MCRIP2: variants seen among roughly 807,000 people sequenced by gnomAD.
MCRIP2 encodes MAPK regulated co-repressor interacting protein 2.
A neutral mutation model predicts 23.2 loss-of-function variants in MCRIP2; 21 were observed. That is an observed-to-expected ratio of 0.90 (90% CI 0.64 to 1.30). MCRIP2 has a LOEUF of 1.30. Among genes scored for constraint, MCRIP2 ranks in the 50% most tolerant of loss-of-function variants. MCRIP2 has a pLI of 0.00. For missense variants in MCRIP2, 234 were observed against 223.2 expected (o/e 1.05, Z -0.31); for synonymous variants, 121 against 100.2 (o/e 1.21, Z -1.24).
In MCRIP2 at chr16:642,226, G is replaced by A. The variant is rs1479226128; in HGVS notation, c.159G>A (p.Pro53=). The A allele has an allele frequency of 1.6e-6, 2 of 1,243,842 alleles. No homozygotes were observed. The highest frequency in any genetic ancestry group is 4.3e-5 in the Admixed American group (1 of 23,510). The allele number at this position is 1,243,842 out of a possible 1,614,324, so 77.1% of individuals were successfully genotyped here. Residue 53 remains proline (P), a synonymous_variant, in exon 2 of 5, where the codon CCG becomes CCA. Transcript: ENST00000307650. ...QPPRAQPFAQ[P]PGPWPLSSPG... is the part of the protein sequence containing the mutation. ...CGCGGGCGCAGCCCTTTGCGCAGCC[G>A]CCGGGACCCTGGCCCCTGTCGAGGT... is the stretch of plus-strand genomic sequence containing the variant.
chr16:647,069 G>A, intron 2 of MCRIP2: 1 of 309,652 alleles, frequency 3.2e-6, no homozygotes, highest in Non-Finnish European at 6.1e-6. Context: ...GGCTGCTGAT[G>A]GGATGCAGGT....
At chr16:644,857 G>T in intron 2 of MCRIP2, among the ~76,000 whole-genome samples, 1 of 152,030 alleles carries the variant, frequency 6.6e-6, no homozygotes, top group East Asian at 1.9e-4. Flanking sequence ...GAGGGTCAAG[G>T]CTTGTCACCC....
chr16:643,421 G>C (rs1006031364), intron 2 of MCRIP2, among the ~76,000 whole-genome samples: 1 of 152,100 alleles, frequency 6.6e-6, no homozygotes, highest in Non-Finnish European at 1.5e-5. Flanking sequence ...AGGGAGGGCA[G>C]GGGTAAGGCT....
chr16:644,387 C>T (rs2037426615), intron 2 of MCRIP2, among the ~76,000 whole-genome samples: 1 of 152,054 alleles, frequency 6.6e-6, no homozygotes, highest in African/African-American at 2.4e-5. Context: ...GGCCAACCAC[C>T]TTCCCTCTGA....
rs534436896 is a variant in MCRIP2, at chr16:641,852, G to A, written c.-140G>A. 6.9e-5 allele frequency: 50 copies of A among 727,126 alleles called. No homozygotes were observed. In the African/African-American group the frequency reaches 8.7e-4, roughly 13 times the overall value. The allele number at this position is 727,126 out of a possible 1,614,324, so 45.0% of individuals were successfully genotyped here. ...CGCCGCGTGTCCGGGGTCAGCCCGA[G>A]CCCGTGCGGGCCCTTTAAGGGCCGG... On this transcript the variant is annotated 5_prime_UTR_variant, in exon 1 of 5. Transcript: ENST00000307650.
In MCRIP2 at chr16:648,358, C is replaced by G. The variant is rs1169713243; in HGVS notation, c.*168C>G. The G allele has an allele frequency of 2.7e-6, 2 of 728,388 alleles. No individual in the cohort carries two copies. The highest frequency in any genetic ancestry group is 2.7e-5 in the East Asian group (1 of 36,828). 45.1% of individuals were successfully genotyped at this position (728,388 alleles called of 1,614,324 possible). On this transcript the variant is annotated 3_prime_UTR_variant, in exon 5 of 5. Coordinates refer to ENST00000307650, the MANE Select transcript of MCRIP2 (RefSeq NM_138418.4). ...GGCCCGGCTGTCCCAACCAAGCTGC[C>G]ATGGCCAAGGGCCGAACCCGTCTGA...
chr16:643,004 G>A (rs998528594), intron 2 of MCRIP2: 2 of 152,602 alleles, frequency 1.3e-5, no homozygotes, highest in African/African-American at 4.8e-5. Flanking sequence ...CGGTGCTGGG[G>A]AGGAGAGCTC....
chr16:643,871 A>G (rs1163897293), intron 2 of MCRIP2, among the ~76,000 whole-genome samples: 1 of 152,040 alleles, frequency 6.6e-6, no homozygotes, highest in Admixed American at 6.5e-5. Flanking sequence ...TCTGTCAGCC[A>G]GTGGGACCTG....
chr16:642,057 G>GGGGAAC lies in MCRIP2; in HGVS notation c.52+24_52+29dup, dbSNP rs1012104943. The GGGGAAC allele has an allele frequency of 2.5e-5, 33 of 1,319,682 alleles. No individual in the cohort carries two copies. The Admixed American group carries it at 8.4e-4, about 33-fold the overall frequency. 81.7% of individuals were successfully genotyped at this position (1,319,682 alleles called of 1,614,324 possible). A position where few individuals can be genotyped will look rare whatever the true frequency, so the allele number is the denominator to read the frequency against. ...AGCGCCGCACAGGTGCGCACGGGCC[G>GGGGAAC]GGGAACGGGAACGGGGACGGGGCGG... On this transcript the variant is annotated intron_variant, in intron 1 of 4. Coordinates refer to ENST00000307650, the MANE Select transcript of MCRIP2 (RefSeq NM_138418.4).
chr16:648,016 C>T (rs1201598916), intron 4 of MCRIP2, 104 bp from the exon 5 acceptor site: 8 of 1,277,878 alleles, frequency 6.3e-6, no homozygotes, highest in South Asian at 2.8e-5. Flanking sequence ...TTCCCAGCGC[C>T]TGCCGCACTC....
In MCRIP2 at chr16:642,265, C is replaced by CCCCGGCCCGG. The variant is rs899363115; in HGVS notation, c.182+28_182+37dup. The stretch of plus-strand genomic sequence containing the variant: ...CCCTGTCGAGGTGAGACGCGCGCGG[C>CCCCGGCCCGG]CCCGGCCCGGCCCGGCCCGGCTTCC... On this transcript the variant is annotated intron_variant, in intron 2 of 4. Coordinates refer to ENST00000307650, the MANE Select transcript of MCRIP2 (RefSeq NM_138418.4). 1.7e-5 allele frequency: 20 copies of CCCCGGCCCGG among 1,167,174 alleles called. No individual in the cohort carries two copies. Among genetic ancestry groups the CCCCGGCCCGG allele is most frequent in the African/African-American group, 3.2e-5 (2 of 61,856 alleles). The allele number at this position is 1,167,174 out of a possible 1,614,324, so 72.3% of individuals were successfully genotyped here.
At position 648,378 on chromosome 16, in the gene MCRIP2, G is replaced by C. The variant is rs961878045; in HGVS notation, c.*188G>C. 1.4e-5 allele frequency: 9 copies of C among 647,822 alleles called. No individual in the cohort carries two copies. Among genetic ancestry groups the C allele is most frequent in the Non-Finnish European group, 1.9e-5 (7 of 365,990 alleles). 40.1% of individuals were successfully genotyped at this position (647,822 alleles called of 1,614,324 possible). ...GCTGCCATGGCCAAGGGCCGAACCC[G>C]TCTGACCTCAGCCCTGCTCACTGTG... On this transcript the variant is annotated 3_prime_UTR_variant, in exon 5 of 5. Coordinates refer to ENST00000307650, the MANE Select transcript of MCRIP2 (RefSeq NM_138418.4).
At position 647,828 on chromosome 16, in the gene MCRIP2, AG is replaced by A; in HGVS notation, c.359del (p.Gly120AlafsTer25). 6.3e-7 allele frequency: 1 copy of A among 1,578,726 alleles called. No homozygotes were observed. The highest frequency in any genetic ancestry group is 8.6e-7 in the Non-Finnish European group (1 of 1,163,004). The stretch of plus-strand genomic sequence containing the variant: ...CAGCTGGATGGTGGCCCAGCCGGTG[AG>A]GGCGGGCCAAGGCCTGTGCAGTACG... ...QQQLDGGPAG[E>X]GGPRPVQYVE... On this transcript the variant is annotated frameshift_variant, in exon 4 of 5. Transcript: ENST00000307650. LOFTEE classifies it high-confidence loss of function.
intron 2 of MCRIP2, chr16:642,960 A>C (rs1300427643): frequency 6.6e-6 from 1 of 152,480 alleles, no homozygotes; most frequent in Non-Finnish European, 1.5e-5. Flanking sequence ...GCCGGCCCGA[A>C]GGCTCCTGGA....
intron 2 of MCRIP2, chr16:642,478 G>A: frequency 3.7e-6 from 1 of 272,572 alleles, no homozygotes; most frequent in Non-Finnish European, 6.3e-6. Context: ...CCAGCGGGGA[G>A]AAAGCCGGCC....
rs1281660044 is a variant in MCRIP2 at position 641,855 on chromosome 16, C to A, written c.-137C>A. 18 of 754,754 alleles carry A rather than the reference C, an allele frequency of 2.4e-5. No homozygotes were observed. Among genetic ancestry groups the A allele is most frequent in the Non-Finnish European group, 2.3e-5 (13 of 558,588 alleles). 46.8% of individuals were successfully genotyped at this position (754,754 alleles called of 1,614,324 possible). The stretch of plus-strand genomic sequence containing the variant: ...CGCGTGTCCGGGGTCAGCCCGAGCC[C>A]GTGCGGGCCCTTTAAGGGCCGGGGG... On this transcript the variant is annotated 5_prime_UTR_variant, in exon 1 of 5. Transcript: ENST00000307650.
At chr16:642,324 A>C (rs2037367986) in intron 2 of MCRIP2, 75 bp downstream of exon 2, 1 of 1,119,638 alleles carries the variant, frequency 8.9e-7, no homozygotes, top group African/African-American at 1.7e-5. Context: ...GCGGAGGGTG[A>C]CCTTGGGGAA....
At chr16:647,689 C>T in intron 3 of MCRIP2, 94 bp from the exon 4 acceptor site, 2 of 1,510,630 alleles carry the variant, frequency 1.3e-6, no homozygotes, top group Non-Finnish European at 1.8e-6. Context: ...GTGACCAGCC[C>T]TGTGTGGGGC....
At chr16:643,212 C>T (rs1213183084) in intron 2 of MCRIP2, 1 of 152,388 alleles carries the variant, frequency 6.6e-6, no homozygotes, top group African/African-American at 2.4e-5. Flanking sequence ...TTCCAGCATC[C>T]CAGCTCTGCT....
Sources: allele counts gnomAD v4.1 joint callset (sites outside exome capture counted in the v4.1 genomes callset), GRCh38; gene constraint gnomAD v4.1.1; transcripts MANE v1.5; gene names NCBI Gene and HGNC (gene_info 2026-07-23, HGNC 2026-07-21).